The following CAMTA1 variants were observed in gnomAD, a reference collection of about 807,000 sequenced individuals.
CAMTA1 encodes the protein calmodulin binding transcription activator 1, also known as calmodulin-binding transcription activator 1.
CAMTA1 carries 27 observed loss-of-function variants against 170.9 expected under a neutral mutation model. That is an observed-to-expected ratio of 0.16 (90% CI 0.12 to 0.22). The LOEUF is 0.22. Ranked by LOEUF, CAMTA1 falls within the 10% of genes least tolerant of loss-of-function variation. The probability of loss-of-function intolerance (pLI) is 1.00; values close to 1 mark genes in which losing one functional copy is unlikely to be tolerated. For missense variants in CAMTA1, 1,619 were observed against 2,217.2 expected (o/e 0.73, Z 5.42); for synonymous variants, 833 against 891.5 (o/e 0.93, Z 1.17).
At chr1:6,895,946 T>A (rs1675577760) in intron 3 of CAMTA1, among the ~76,000 whole-genome samples, 1 of 152,224 alleles carries the variant, frequency 6.6e-6, no homozygotes, top group Admixed American at 6.5e-5. Context: ...CAGGGGGCCC[T>A]GTCTATCTCC....
chr1:7,533,938 A>G (rs891860548), intron 6 of CAMTA1, among the ~76,000 whole-genome samples: 3 of 152,158 alleles, frequency 2.0e-5, no homozygotes. Context: ...AAAAGAAAAA[A>G]AGAAAACGTC....
chr1:7,120,685 C>T (rs1244218050), intron 4 of CAMTA1, among the ~76,000 whole-genome samples: 1 of 152,200 alleles, frequency 6.6e-6, no homozygotes, highest in African/African-American at 2.4e-5. Context: ...ATCTTAGGCT[C>T]TCCCCACCAC....
chr1:7,419,020 C>T (rs1311221906), intron 5 of CAMTA1, among the ~76,000 whole-genome samples: 1 of 152,242 alleles, frequency 6.6e-6, no homozygotes, highest in Admixed American at 6.5e-5. Flanking sequence ...ATTAAAAGCC[C>T]AGTCACTGCG....
chr1:7,393,699 T>C (rs1013159977), intron 5 of CAMTA1, among the ~76,000 whole-genome samples: 1 of 152,234 alleles, frequency 6.6e-6, no homozygotes, highest in Non-Finnish European at 1.5e-5. Flanking sequence ...ACCATTTCTT[T>C]GAGGTGAAAA....
At chr1:6,945,901 G>A (rs141659173) in intron 3 of CAMTA1, among the ~76,000 whole-genome samples, 7 of 152,232 alleles carry the variant, frequency 4.6e-5, no homozygotes, top group East Asian at 1.9e-4. Flanking sequence ...TTGTTCATTC[G>A]TTAGTCGACG....
At chr1:6,948,547 C>G (rs1687933818) in intron 3 of CAMTA1, among the ~76,000 whole-genome samples, 1 of 152,160 alleles carries the variant, frequency 6.6e-6, no homozygotes, top group Non-Finnish European at 1.5e-5. Flanking sequence ...GGAACTGGCA[C>G]TTAGAGAGCT....
intron 4 of CAMTA1, among the ~76,000 whole-genome samples, chr1:7,107,789 A>T (rs941444689): frequency 3.9e-5 from 6 of 152,110 alleles, no homozygotes; most frequent in African/African-American, 1.4e-4. Flanking sequence ...CTGCGAGGCT[A>T]GAGGGCCTTT....
intron 4 of CAMTA1, among the ~76,000 whole-genome samples, chr1:7,098,291 C>T (rs924965339): frequency 6.6e-6 from 1 of 152,218 alleles, no homozygotes; most frequent in African/African-American, 2.4e-5. Flanking sequence ...GTAACCTTTG[C>T]ATTATGCACT....
chr1:7,585,353 G>C lies in CAMTA1; in HGVS notation c.511-55047G>C, dbSNP rs191511302. On this transcript the variant is annotated intron_variant, in intron 6 of 22. Transcript: ENST00000303635. This position sits in a 1 kb window ranked among gnomAD's most constrained non-coding sequence, Gnocchi z 4.8. The stretch of plus-strand genomic sequence containing the variant: ...CCTGGCAGAGCCCTGAGAGCGGTGG[G>C]ATGGGCTGGGAGCAGATCTAGGGAA... 9.8e-5 allele frequency among the ~76,000 whole-genome samples: 15 copies of C among 152,310 alleles called. No individual in the cohort carries two copies. The highest frequency in any genetic ancestry group is 3.6e-4 in the African/African-American group (15 of 41,566).
chr1:7,404,974 A>G (rs1400398061), intron 5 of CAMTA1, among the ~76,000 whole-genome samples: 3 of 152,064 alleles, frequency 2.0e-5, no homozygotes, highest in Admixed American at 6.5e-5. Flanking sequence ...TAGTATAACA[A>G]TGACTTATAC....
intron 5 of CAMTA1, among the ~76,000 whole-genome samples, chr1:7,419,418 A>C (rs962906061): frequency 6.6e-6 from 1 of 152,072 alleles, no homozygotes; most frequent in East Asian, 1.9e-4. Flanking sequence ...CGGCCTCCCA[A>C]AGTGCTGGGA....
At chr1:7,276,256 C>T (rs1670574318) in intron 5 of CAMTA1, among the ~76,000 whole-genome samples, 1 of 107,786 alleles carries the variant, frequency 9.3e-6, no homozygotes, top group Non-Finnish European at 1.7e-5. Context: ...TAAAGGAAAT[C>T]TACAGAAAGC....
intron 5 of CAMTA1, among the ~76,000 whole-genome samples, chr1:7,352,252 T>C (rs929447211): frequency 5.3e-5 from 8 of 151,588 alleles, no homozygotes; most frequent in Admixed American, 1.3e-4. Context: ...TCAGCATTGT[T>C]TTTCCCTCCA....
chr1:7,464,175 TTC>T (rs1456070741), intron 5 of CAMTA1, among the ~76,000 whole-genome samples: 1 of 152,154 alleles, frequency 6.6e-6, no homozygotes, highest in Non-Finnish European at 1.5e-5. Flanking sequence ...GTTGCTTCCT[TTC>T]TCTCTCTTTT....
chr1:7,082,267 A>G (rs1280438866), intron 3 of CAMTA1, among the ~76,000 whole-genome samples: 3 of 152,096 alleles, frequency 2.0e-5, no homozygotes, highest in Non-Finnish European at 4.4e-5. Flanking sequence ...GTGAAACCCC[A>G]TCTCTACTAA....
intron 4 of CAMTA1, among the ~76,000 whole-genome samples, chr1:7,225,091 C>A (rs1315284649): frequency 1.4e-5 from 2 of 146,964 alleles, no homozygotes; most frequent in African/African-American, 5.0e-5. Flanking sequence ...TGGCAGATCT[C>A]TTTTTTTTTT....
chr1:6,933,097 G>C (rs1449768060), intron 3 of CAMTA1, among the ~76,000 whole-genome samples: 1 of 151,472 alleles, frequency 6.6e-6, no homozygotes, highest in Non-Finnish European at 1.5e-5. Flanking sequence ...AAAGATGTGG[G>C]TCTTGCTATG....
rs558964006 is a variant in CAMTA1, at chr1:7,710,417, G to A, written c.2915-22031G>A. 2.2e-3 allele frequency among the ~76,000 whole-genome samples: 335 copies of A among 151,942 alleles called. 2 individuals are homozygous for A. The highest frequency in any genetic ancestry group is 0.014 in the Middle Eastern group (4 of 294). On this transcript the variant is annotated intron_variant, in intron 11 of 22. Coordinates refer to ENST00000303635, the MANE Select transcript of CAMTA1 (RefSeq NM_015215.4). Reference sequence around the variant, plus strand: ...GTCTGAGACTAGCCTAGGCAACATAGCAAGACCTCATCTTTAAAAAAAATT... The same window carrying A: ...GTCTGAGACTAGCCTAGGCAACATAACAAGACCTCATCTTTAAAAAAAATT...
chr1:7,430,572 A>T (rs1056927608), intron 5 of CAMTA1, among the ~76,000 whole-genome samples: 6 of 152,104 alleles, frequency 3.9e-5, no homozygotes, highest in African/African-American at 1.4e-4. Context: ...GATGGGGATG[A>T]TGGTGGAGGT....
Sources: gnomAD v4.1 joint callset for allele counts (sites outside exome capture counted in the v4.1 genomes callset) on GRCh38, gnomAD v4.1.1 for gene constraint, Gnocchi (gnomAD v3.1) non-coding constraint, MANE v1.5 for transcripts, NCBI Gene and HGNC (gene_info 2026-07-23, HGNC 2026-07-21) for gene names.